Variants in MPV17L observed in about 807,000 individuals in gnomAD.
MPV17L encodes the protein mpv17-like protein.
MPV17L carries 24 observed loss-of-function variants against 25.8 expected under a neutral mutation model. That is an observed-to-expected ratio of 0.93 (90% confidence interval 0.67 to 1.31). The LOEUF (loss-of-function observed/expected upper bound fraction) is 1.31. Ranked by LOEUF, MPV17L falls within the 50% of genes most tolerant of loss-of-function variation. The pLI is 0.00. For missense variants in MPV17L, 250 were observed against 265.6 expected, an observed-to-expected ratio of 0.94 and a Z score of 0.41; for synonymous variants, 102 against 115.3, an observed-to-expected ratio of 0.88 and a Z score of 0.74.
At chr16:15,400,697 C>A in intron 1 of MPV17L, 90 bp from the exon 2 acceptor site, 1 of 827,288 alleles carries the variant, frequency 1.2e-6, no homozygotes. Context: ...GTGATGGTTA[C>A]TTTGCATTTT....
Position 15,412,726 on chromosome 16 carries a change from C to T in MPV17L, c.*4614C>T, listed in dbSNP as rs2050744075. 1 of 144,552 alleles carries T rather than the reference C, an allele frequency of 6.9e-6. No individual in the cohort carries two copies. The highest frequency in any genetic ancestry group is 1.5e-5 in the Non-Finnish European group (1 of 65,956). The allele number at this position is 144,552 out of a possible 1,614,324, so 9.0% of individuals were successfully genotyped here. On this transcript the variant is annotated 3_prime_UTR_variant, in exon 4 of 4. Coordinates refer to ENST00000396385, the MANE Select transcript of MPV17L (RefSeq NM_001128423.2). ...TAGCAGGGACTAAAGGCGCCCGCCACCATGACCCACTAATTTTTTTTTTTT... is the reference window on the plus strand; with the variant it reads ...TAGCAGGGACTAAAGGCGCCCGCCATCATGACCCACTAATTTTTTTTTTTT...
chr16:15,397,445 G>A (rs760296399), intron 1 of MPV17L, among the ~76,000 whole-genome samples: 4 of 152,166 alleles, frequency 2.6e-5, no homozygotes, highest in Admixed American at 6.5e-5. Context: ...TGTAAAACAG[G>A]CTGATCGCTC....
intron 1 of MPV17L, among the ~76,000 whole-genome samples, chr16:15,396,768 G>C (rs545845499): frequency 6.9e-4 from 105 of 152,218 alleles, no homozygotes; most frequent in African/African-American, 2.5e-3. Flanking sequence ...GTTGGGCCTG[G>C]ATCTTCAGCA....
In MPV17L at chr16:15,407,103, C is replaced by T. The variant is rs866777043; in HGVS notation, c.382-721C>T. ...AAAATTAATTTAAAAAAAAAGAATT[C>T]ATTGATGATTCTGTATTTACAAATA... On this transcript the variant is annotated intron_variant, in intron 2 of 3. Transcript: ENST00000396385. 3.3e-5 allele frequency among the ~76,000 whole-genome samples: 5 copies of T among 151,740 alleles called. No homozygotes were observed. In the Middle Eastern group the frequency reaches 0.01, roughly 310 times the overall value.
At chr16:15,400,904 ATGTATATATATG>A (rs765667410) in intron 2 of MPV17L, 47 bp downstream of exon 2, 14 of 1,126,862 alleles carry the variant, frequency 1.2e-5, no homozygotes, top group Non-Finnish European at 1.7e-5. Context: ...TTGTGTATAT[ATGTATATATATG>A]TGTATAAAAA....
Position 15,409,946 on chromosome 16 carries a change from G to C in MPV17L, c.*1834G>C, listed in dbSNP as rs1283920926. 9 of 152,064 alleles carry C rather than the reference G, an allele frequency of 5.9e-5. No individual in the cohort carries two copies. Among genetic ancestry groups the C allele is most frequent in the Non-Finnish European group, 1.2e-4 (8 of 68,010 alleles). The allele number at this position is 152,064 out of a possible 1,614,324, so 9.4% of individuals were successfully genotyped here. ...TTTTTAGTTTTGGGCAGATTCAGTT[G>C]ACTAAAGCACCTCATTTCCCAGATA... On this transcript the variant is annotated 3_prime_UTR_variant, in exon 4 of 4. Coordinates refer to ENST00000396385, the MANE Select transcript of MPV17L (RefSeq NM_001128423.2).
chr16:15,402,252 T>A (rs565822266), intron 2 of MPV17L, among the ~76,000 whole-genome samples: 1 of 152,290 alleles, frequency 6.6e-6, no homozygotes, highest in Non-Finnish European at 1.5e-5. Flanking sequence ...TTGAACAGTG[T>A]CCTTAAGGCC....
At chr16:15,402,034 C>T (rs959586934) in intron 2 of MPV17L, among the ~76,000 whole-genome samples, 8 of 152,106 alleles carry the variant, frequency 5.3e-5, no homozygotes, top group African/African-American at 1.9e-4. Context: ...GAATCATTCC[C>T]ACATTCAGAG....
At chr16:15,397,468 T>C (rs2050597175) in intron 1 of MPV17L, among the ~76,000 whole-genome samples, 1 of 152,122 alleles carries the variant, frequency 6.6e-6, no homozygotes, top group Admixed American at 6.5e-5. Flanking sequence ...GTTGGTTAAA[T>C]TCTTGTCATC....
rs222913 is a variant in MPV17L, at chr16:15,409,693, T to C, written c.*1581T>C. On this transcript the variant is annotated 3_prime_UTR_variant, in exon 4 of 4. Transcript: ENST00000396385. ...ACAGCCATGTTGCTCATACAAAGCCTGTTTGGTGGCCTCTTCACACGGACA... is the reference window on the plus strand; with the variant it reads ...ACAGCCATGTTGCTCATACAAAGCCCGTTTGGTGGCCTCTTCACACGGACA... 33,317 of 152,170 alleles carry C rather than the reference T, an allele frequency of 0.22. 4,363 individuals are homozygous for C. Among genetic ancestry groups the C allele is most frequent in the East Asian group, 0.41 (2,108 of 5,158 alleles). 9.4% of individuals were successfully genotyped at this position (152,170 alleles called of 1,614,324 possible). A position where few individuals can be genotyped will look rare whatever the true frequency, so the allele number is the denominator to read the frequency against.
chr16:15,401,082 ATATATT>A (rs1426896938), intron 2 of MPV17L, among the ~76,000 whole-genome samples: 30 of 32,612 alleles, frequency 9.2e-4, no homozygotes, highest in African/African-American at 2.3e-3. Context: ...ATATATATAT[ATATATT>A]TTTTTTTTTT....
chr16:15,406,040 T>G (rs1180794308), intron 2 of MPV17L, among the ~76,000 whole-genome samples: 2 of 151,706 alleles, frequency 1.3e-5, no homozygotes, highest in Non-Finnish European at 2.9e-5. Flanking sequence ...AATACAAAAT[T>G]TAGCCAGGCA....
rs1491107374 is a variant in MPV17L, at chr16:15,401,086, A to ATATATAT, written c.381+230_381+231insATATATT. ...TATATATATATATATATATATATAT[A>ATATATAT]TTTTTTTTTTTTTTTTTTTTTTTTT... On this transcript the variant is annotated intron_variant, in intron 2 of 3. Coordinates refer to ENST00000396385, the MANE Select transcript of MPV17L (RefSeq NM_001128423.2). Among the ~76,000 whole-genome samples, 21 of 19,866 alleles carry ATATATAT rather than the reference A, an allele frequency of 1.1e-3. 1 individual carries two copies. The highest frequency in any genetic ancestry group is 4.0e-3 in the Admixed American group (3 of 748). The allele number at this position is 19,866 out of a possible 152,430, so 13.0% of individuals were successfully genotyped here.
In MPV17L at chr16:15,408,309, ATTAC is replaced by A. The variant is rs1299195630; in HGVS notation, c.*200_*203del. On this transcript the variant is annotated 3_prime_UTR_variant, in exon 4 of 4. Transcript: ENST00000396385. ...CTTTTTTCCTGTTCTAGTCTGAAAT[ATTAC>A]TTCTCTAATATTTTGGTTAATATGA... 6.2e-6 allele frequency: 3 copies of A among 480,988 alleles called. No individual in the cohort carries two copies. In the East Asian group the frequency reaches 9.3e-5, roughly 15 times the overall value. 29.8% of individuals were successfully genotyped at this position (480,988 alleles called of 1,614,324 possible).
At position 15,400,839 on chromosome 16, in the gene MPV17L, A is replaced by G. The variant is rs1227953155; in HGVS notation, c.363A>G (p.Lys121=). The G allele has an allele frequency of 1.2e-6, 2 of 1,604,884 alleles. No homozygotes were observed. Among genetic ancestry groups the G allele is most frequent in the Non-Finnish European group, 1.7e-6 (2 of 1,175,328 alleles). The stretch of plus-strand genomic sequence containing the variant: ...ACATATTTTTGGACCTGAAACAGAA[A>G]TTCTGGAATACCTATCTGGTAAGAT... ...KDDIFLDLKQ[K]FWNTYLSGLM... The change falls in exon 2 of 4, where the codon AAA becomes AAG. Residue 121 remains lysine, a synonymous_variant. Coordinates refer to ENST00000396385, the MANE Select transcript of MPV17L (RefSeq NM_001128423.2).
chr16:15,398,590 C>CTT (rs397742667), intron 1 of MPV17L, among the ~76,000 whole-genome samples: 1,736 of 137,036 alleles, frequency 0.013, 34 homozygotes, highest in African/African-American at 0.035. Flanking sequence ...TTCTTTCTTT[C>CTT]TTTTTTTTTT....
intron 1 of MPV17L, among the ~76,000 whole-genome samples, chr16:15,397,768 C>T (rs192259381): frequency 6.6e-6 from 1 of 152,010 alleles, no homozygotes; most frequent in African/African-American, 2.4e-5. Context: ...CTTCCTTTCC[C>T]TACAGACCCC....
chr16:15,406,193 AAT>A (rs199929663), intron 2 of MPV17L, among the ~76,000 whole-genome samples: 2 of 151,280 alleles, frequency 1.3e-5, no homozygotes, highest in African/African-American at 2.4e-5. Flanking sequence ...CATCTCAAAA[AAT>A]ATATATATAT....
At chr16:15,403,491 T>G (rs752380192) in intron 2 of MPV17L, among the ~76,000 whole-genome samples, 7 of 149,148 alleles carry the variant, frequency 4.7e-5, no homozygotes, top group Non-Finnish European at 1.0e-4. Flanking sequence ...TGCGCAACCA[T>G]AGTGAGACCC....
Sources: allele counts gnomAD v4.1 joint callset (sites outside exome capture counted in the v4.1 genomes callset), GRCh38; gene constraint gnomAD v4.1.1; transcripts MANE v1.5; gene names NCBI Gene and HGNC (gene_info 2026-07-23, HGNC 2026-07-21).